The following GPC5 variants were observed in gnomAD, a reference collection of about 807,000 sequenced individuals.
GPC5 encodes the protein glypican 5, also known as glypican-5.
Under a neutral mutation model 53.9 loss-of-function variants are expected in GPC5, and 47 were observed. The ratio of observed to expected loss-of-function variants is 0.87; its 90% CI spans 0.69 to 1.11. The LOEUF is 1.11. Ranked by LOEUF, GPC5 falls within the 50% of genes most tolerant of loss-of-function variation. The pLI, the probability that GPC5 is intolerant of heterozygous loss-of-function variation, is 0.00. For missense variants in GPC5, 748 were observed against 713.1 expected (o/e 1.05, Z -0.56); for synonymous variants, 286 against 263.3 (o/e 1.09, Z -0.84).
chr13:91,402,399 CT>C (rs1877020910), intron 1 of GPC5, among the ~76,000 whole-genome samples: 1 of 152,138 alleles, frequency 6.6e-6, no homozygotes, highest in Non-Finnish European at 1.5e-5. Context: ...TTTTAAACTG[CT>C]TTCATTATAA....
intron 2 of GPC5, among the ~76,000 whole-genome samples, chr13:91,465,673 T>A (rs1882192084): frequency 6.6e-6 from 1 of 152,202 alleles, no homozygotes; most frequent in African/African-American, 2.4e-5. Context: ...ACTTTTGTAT[T>A]GAAATGTCAA....
At chr13:91,585,452 C>A (rs2032525588) in intron 2 of GPC5, among the ~76,000 whole-genome samples, 1 of 152,156 alleles carries the variant, frequency 6.6e-6, no homozygotes, top group Admixed American at 6.5e-5. Context: ...TGAAACACTG[C>A]AGCAATGAAT....
intron 7 of GPC5, among the ~76,000 whole-genome samples, chr13:92,444,978 C>T (rs1877739025): frequency 6.6e-6 from 1 of 152,066 alleles, no homozygotes; most frequent in South Asian, 2.1e-4. Flanking sequence ...AGGTGGCATA[C>T]ATAGTCCTCT....
intron 2 of GPC5, among the ~76,000 whole-genome samples, chr13:91,542,065 A>G (rs907990120): frequency 6.6e-6 from 1 of 151,376 alleles, no homozygotes; most frequent in Non-Finnish European, 1.5e-5. Context: ...ACACTCTTAA[A>G]TCAACCTTAA....
chr13:91,652,707 A>G (rs2034746137), intron 2 of GPC5, among the ~76,000 whole-genome samples: 1 of 152,202 alleles, frequency 6.6e-6, no homozygotes, highest in Non-Finnish European at 1.5e-5. Context: ...TTTAATTTAG[A>G]TTCCAGTTGA....
At chr13:91,819,489 T>C (rs1180371433) in intron 5 of GPC5, among the ~76,000 whole-genome samples, 1 of 151,968 alleles carries the variant, frequency 6.6e-6, no homozygotes, top group African/African-American at 2.4e-5. Flanking sequence ...GAGTTTTGCA[T>C]AGTTTTGAAC....
In GPC5 at chr13:92,026,634, A is replaced by C. The variant is rs185853857; in HGVS notation, c.1402-118196A>C. Among the ~76,000 whole-genome samples the C allele has an allele frequency of 3.7e-3, 561 of 152,158 alleles. 5 individuals carry two copies. The highest frequency in any genetic ancestry group is 3.0e-3 in the Non-Finnish European group (202 of 67,948). On this transcript the variant is annotated intron_variant, in intron 6 of 7. Transcript: ENST00000377067. Reference sequence around the variant, plus strand: ...TATTGATACTTTATTTTTCTTAAGCATACCTACTCCAGTGTTGCCAGTCAT... The same window carrying C: ...TATTGATACTTTATTTTTCTTAAGCCTACCTACTCCAGTGTTGCCAGTCAT...
intron 7 of GPC5, among the ~76,000 whole-genome samples, chr13:92,348,925 G>A (rs972053496): frequency 6.6e-6 from 1 of 151,948 alleles, no homozygotes; most frequent in Non-Finnish European, 1.5e-5. Flanking sequence ...AGCAAAAGAA[G>A]TTCTAAGAGG....
At chr13:92,473,666 A>G (rs1167088021) in intron 7 of GPC5, among the ~76,000 whole-genome samples, 1 of 152,144 alleles carries the variant, frequency 6.6e-6, no homozygotes, top group Non-Finnish European at 1.5e-5. Flanking sequence ...AGCTTAAAAC[A>G]GTTATGTAAA....
rs572304995 is a variant in GPC5 at position 92,867,224 on chromosome 13, A to G, written c.*785A>G. On this transcript the variant is annotated 3_prime_UTR_variant, in exon 8 of 8. Coordinates refer to ENST00000377067, the MANE Select transcript of GPC5 (RefSeq NM_004466.6). Reference sequence around the variant, plus strand: ...AATATCTCCAATAAAGCTGTTAACTATTTGGTGGAAAAATTTGAAGAATAT... The same window carrying G: ...AATATCTCCAATAAAGCTGTTAACTGTTTGGTGGAAAAATTTGAAGAATAT... The G allele has an allele frequency of 1.3e-4, 20 of 151,638 alleles. No individual in the cohort carries two copies. Among genetic ancestry groups the G allele is most frequent in the African/African-American group, 4.4e-4 (18 of 41,006 alleles). 9.4% of individuals were successfully genotyped at this position (151,638 alleles called of 1,614,324 possible). A position where few individuals can be genotyped will look rare whatever the true frequency, so the allele number is the denominator to read the frequency against.
intron 7 of GPC5, among the ~76,000 whole-genome samples, chr13:92,305,458 T>C (rs1182270637): frequency 6.6e-6 from 1 of 152,050 alleles, no homozygotes; most frequent in Non-Finnish European, 1.5e-5. Flanking sequence ...CCTCTACCCT[T>C]TTTTTTAAAT....
At chr13:91,485,953 G>C (rs1883584162) in intron 2 of GPC5, 1 of 152,084 alleles carries the variant, frequency 6.6e-6, no homozygotes, top group Non-Finnish European at 1.5e-5. Flanking sequence ...TGATCTTAGG[G>C]GTCTTATCTC....
chr13:92,345,637 A>G (rs1026114488), intron 7 of GPC5, among the ~76,000 whole-genome samples: 2 of 152,214 alleles, frequency 1.3e-5, no homozygotes, highest in Non-Finnish European at 2.9e-5. Flanking sequence ...TTACCTCACT[A>G]TGATGCTGTC....
chr13:91,637,129 G>A (rs2034304282), intron 2 of GPC5, among the ~76,000 whole-genome samples: 1 of 152,190 alleles, frequency 6.6e-6, no homozygotes, highest in Admixed American at 6.5e-5. Flanking sequence ...TAGAAAGGTT[G>A]AGGTCTGTAC....
chr13:92,077,258 C>T (rs2041259251), intron 6 of GPC5, among the ~76,000 whole-genome samples: 1 of 152,312 alleles, frequency 6.6e-6, no homozygotes, highest in Admixed American at 6.5e-5. Flanking sequence ...CACGGTCACT[C>T]ATATATGGCT....
intron 7 of GPC5, among the ~76,000 whole-genome samples, chr13:92,654,141 T>C (rs1345813164): frequency 1.3e-5 from 2 of 152,220 alleles, no homozygotes; most frequent in Admixed American, 1.3e-4. Context: ...CTTTGTTTAA[T>C]TTTTGCCTTC....
At chr13:92,292,167 A>G (rs2043001272) in intron 7 of GPC5, among the ~76,000 whole-genome samples, 2 of 152,196 alleles carry the variant, frequency 1.3e-5, no homozygotes, top group Admixed American at 1.3e-4. Flanking sequence ...TATCTTTTTC[A>G]TATAATGACT....
intron 7 of GPC5, among the ~76,000 whole-genome samples, chr13:92,861,586 A>G (rs1879185797): frequency 6.6e-6 from 1 of 152,164 alleles, no homozygotes; most frequent in South Asian, 2.1e-4. Context: ...CATGGATTGT[A>G]ACAACTATTT....
intron 7 of GPC5, among the ~76,000 whole-genome samples, chr13:92,248,784 T>C (rs1260369794): frequency 1.3e-5 from 2 of 152,144 alleles, no homozygotes; most frequent in Non-Finnish European, 2.9e-5. Flanking sequence ...AGGAAAACTC[T>C]TGTTTCACTG....
Sources: allele counts gnomAD v4.1 joint callset (sites outside exome capture counted in the v4.1 genomes callset), GRCh38; gene constraint gnomAD v4.1.1; transcripts MANE v1.5; gene names NCBI Gene and HGNC (gene_info 2026-07-23, HGNC 2026-07-21).